Variants in L3MBTL4 observed in about 807,000 individuals in gnomAD.
The protein encoded by L3MBTL4 is L3MBTL histone methyl-lysine binding protein 4.
A neutral mutation model predicts 84.5 loss-of-function variants in L3MBTL4; 70 were observed. That is an observed-to-expected ratio of 0.83 (90% CI 0.68 to 1.01). The LOEUF (loss-of-function observed/expected upper bound fraction) is 1.01. Among genes scored for constraint, L3MBTL4 ranks in the 50% least tolerant of loss-of-function variants. The probability of loss-of-function intolerance (pLI) is 0.00; values close to 1 mark genes in which losing one functional copy is unlikely to be tolerated. For synonymous variants in L3MBTL4, 274 were observed against 259.8 expected (o/e 1.05, Z -0.52); for missense variants, 715 against 754.8 (o/e 0.95, Z 0.62).
rs1456460499 is a variant in L3MBTL4, at chr18:6,099,375, CATCTGACTGA to C, written c.1200-5857_1200-5848del. On this transcript the variant is annotated intron_variant, in intron 14 of 18. Coordinates refer to ENST00000317931, the MANE Select transcript of L3MBTL4 (RefSeq NM_001330559.2). The stretch of plus-strand genomic sequence containing the variant: ...GTTATTGAACAGTGATAGTACTTTT[CATCTGACTGA>C]AATTGTTGCTAATTTTACCTCTATG... Among the ~76,000 whole-genome samples the C allele has an allele frequency of 8.8e-4, 133 of 151,626 alleles. 1 individual carries two copies. Among genetic ancestry groups the C allele is most frequent in the African/African-American group, 3.0e-3 (125 of 41,430 alleles).
At chr18:6,400,757 A>G (rs2144644432) in intron 1 of L3MBTL4, among the ~76,000 whole-genome samples, 1 of 152,308 alleles carries the variant, frequency 6.6e-6, no homozygotes, top group South Asian at 2.1e-4. Flanking sequence ...AGCTCTGCTC[A>G]TACAGGCAAT....
At chr18:6,047,365 TGAG>T (rs1192688233) in intron 16 of L3MBTL4, among the ~76,000 whole-genome samples, 1 of 151,818 alleles carries the variant, frequency 6.6e-6, no homozygotes, top group East Asian at 1.9e-4. Context: ...TCCAAAAAAT[TGAG>T]GAGGAGAGAC....
chr18:6,159,212 G>T (rs2043219172), intron 13 of L3MBTL4, among the ~76,000 whole-genome samples: 1 of 152,186 alleles, frequency 6.6e-6, no homozygotes, highest in Admixed American at 6.5e-5. Context: ...ACTTCCATAG[G>T]CCTCGCCCCA....
chr18:5,991,437 A>G (rs2053694300), intron 16 of L3MBTL4, among the ~76,000 whole-genome samples: 1 of 152,170 alleles, frequency 6.6e-6, no homozygotes, highest in South Asian at 2.1e-4. Context: ...AGAGGCACAT[A>G]AACATTCTGT....
At chr18:6,255,929 G>A (rs1446636596) in intron 5 of L3MBTL4, among the ~76,000 whole-genome samples, 1 of 152,158 alleles carries the variant, frequency 6.6e-6, no homozygotes, top group Non-Finnish European at 1.5e-5. Flanking sequence ...AGCCAGACAT[G>A]GTCATCATTT....
chr18:6,143,977 C>T (rs2042532615), intron 13 of L3MBTL4, among the ~76,000 whole-genome samples: 1 of 152,064 alleles, frequency 6.6e-6, no homozygotes, highest in African/African-American at 2.4e-5. Context: ...GGTGGCGGAT[C>T]ACAAGGTCAG....
intron 16 of L3MBTL4, among the ~76,000 whole-genome samples, chr18:5,990,106 T>C (rs2053625137): frequency 6.6e-6 from 1 of 152,182 alleles, no homozygotes; most frequent in Admixed American, 6.5e-5. Context: ...GCTTGCATTG[T>C]TTCCCTTTGG....
At chr18:6,137,957 CAG>C (rs2060075852) in intron 14 of L3MBTL4, among the ~76,000 whole-genome samples, 1 of 152,092 alleles carries the variant, frequency 6.6e-6, no homozygotes. Flanking sequence ...TATTAGAAAA[CAG>C]AGATTCTGGG....
chr18:6,076,362 C>T (rs2057855167), intron 16 of L3MBTL4, among the ~76,000 whole-genome samples: 1 of 152,158 alleles, frequency 6.6e-6, no homozygotes, highest in Admixed American at 6.5e-5. Flanking sequence ...GTGTACATAA[C>T]ATCTGATTCC....
chr18:5,958,878 C>T (rs2095247753), intron 18 of L3MBTL4, among the ~76,000 whole-genome samples: 1 of 150,850 alleles, frequency 6.6e-6, no homozygotes, highest in Non-Finnish European at 1.5e-5. Flanking sequence ...GCAATTCAAC[C>T]TGCAAAAAGC....
chr18:6,213,575 G>C (rs2046203130), intron 11 of L3MBTL4, among the ~76,000 whole-genome samples: 1 of 152,104 alleles, frequency 6.6e-6, no homozygotes, highest in South Asian at 2.1e-4. Context: ...ACCATGCCCA[G>C]CTAATTTTGT....
intron 14 of L3MBTL4, among the ~76,000 whole-genome samples, chr18:6,137,518 CTA>C (rs981239822): frequency 4.6e-5 from 7 of 152,168 alleles, no homozygotes; most frequent in Admixed American, 1.3e-4. Flanking sequence ...GTAAACTTTT[CTA>C]TGTTTGTTTA....
intron 16 of L3MBTL4, among the ~76,000 whole-genome samples, chr18:6,012,537 G>A (rs1869980686): frequency 6.6e-6 from 1 of 152,060 alleles, no homozygotes; most frequent in Non-Finnish European, 1.5e-5. Flanking sequence ...TAAGTTCTCT[G>A]TAAGAGTCTG....
chr18:6,404,654 C>A (rs1056844192), intron 1 of L3MBTL4, among the ~76,000 whole-genome samples: 1 of 151,976 alleles, frequency 6.6e-6, no homozygotes, highest in Non-Finnish European at 1.5e-5. Context: ...AGTAAATAAT[C>A]TCAAAATAAT....
intron 13 of L3MBTL4, among the ~76,000 whole-genome samples, chr18:6,156,124 T>C (rs1048654373): frequency 6.6e-6 from 1 of 152,108 alleles, no homozygotes; most frequent in Non-Finnish European, 1.5e-5. Context: ...AGAAAAAGCA[T>C]CTTTAAGAGG....
At chr18:6,123,777 G>A (rs780264262) in intron 14 of L3MBTL4, among the ~76,000 whole-genome samples, 1 of 152,204 alleles carries the variant, frequency 6.6e-6, no homozygotes, top group Non-Finnish European at 1.5e-5. Flanking sequence ...ATGTGAATTT[G>A]TCCTTTGTCC....
intron 12 of L3MBTL4, among the ~76,000 whole-genome samples, chr18:6,206,430 C>G (rs2045878484): frequency 6.6e-6 from 1 of 152,186 alleles, no homozygotes. Flanking sequence ...GCTGATGTCT[C>G]TAGCCAAATA....
At chr18:5,961,552 C>T (rs1329064452) in intron 17 of L3MBTL4, among the ~76,000 whole-genome samples, 1 of 152,206 alleles carries the variant, frequency 6.6e-6, no homozygotes, top group Non-Finnish European at 1.5e-5. Context: ...ATTTTACAAT[C>T]TTCACCTAAA....
chr18:6,021,784 T>C (rs1308210542), intron 16 of L3MBTL4, among the ~76,000 whole-genome samples: 1 of 152,032 alleles, frequency 6.6e-6, no homozygotes, highest in Non-Finnish European at 1.5e-5. Flanking sequence ...GGTGGCGGGT[T>C]TATCAGCCTC....
Sources: gnomAD v4.1 joint callset for allele counts (sites outside exome capture counted in the v4.1 genomes callset) on GRCh38, gnomAD v4.1.1 for gene constraint, MANE v1.5 for transcripts, NCBI Gene and HGNC (gene_info 2026-07-23, HGNC 2026-07-21) for gene names.